The following RYR1 variants were observed in gnomAD, a reference collection of about 807,000 sequenced individuals.
RYR1 encodes central core disease of muscle.
RYR1 carries 342 observed loss-of-function variants against 583.5 expected under a neutral mutation model. The observed-to-expected ratio is 0.59, with a 90% CI of 0.54 to 0.64. RYR1 has a LOEUF of 0.64. RYR1 is among the 30% of genes least tolerant of loss of function. The pLI is 0.00. For missense variants in RYR1, 6,032 were observed against 6,917.2 expected, an observed-to-expected ratio of 0.87 and a Z score of 4.54; for synonymous variants, 2,791 against 2,822.5, an observed-to-expected ratio of 0.99 and a Z score of 0.35.
At chr19:38,520,225 A>T (rs1294414225) in intron 67 of RYR1, among the ~76,000 whole-genome samples, 1 of 151,374 alleles carries the variant, frequency 6.6e-6, no homozygotes, top group Non-Finnish European at 1.5e-5. Flanking sequence ...GACTCACACC[A>T]ACATGCTCGG....
rs946791306 is a variant in RYR1, at chr19:38,455,225, C to A, written c.1441-10C>A. On this transcript the variant is annotated splice_polypyrimidine_tract_variant and intron_variant, in intron 13 of 105. Coordinates refer to ENST00000359596, the MANE Select transcript of RYR1 (RefSeq NM_000540.3). Reference sequence around the variant, plus strand: ...TCCTATTGTGATGCCTCTTATTTTCCTCATCCTAGGGGATGCTCTCCATGG... The same window carrying A: ...TCCTATTGTGATGCCTCTTATTTTCATCATCCTAGGGGATGCTCTCCATGG... 6.2e-7 allele frequency: 1 copy of A among 1,613,990 alleles called. No homozygotes were observed. The highest frequency in any genetic ancestry group is 8.5e-7 in the Non-Finnish European group (1 of 1,179,930).
At chr19:38,580,320 G>T (rs779542258) in intron 100 of RYR1, 50 bp from the exon 101 acceptor site, 60 of 1,600,798 alleles carry the variant, frequency 3.7e-5, no homozygotes, top group Non-Finnish European at 5.0e-5. Context: ...GGCAGGGTGG[G>T]GGGAGGGCAA....
chr19:38,502,755 G>GCAGGGGCAGGGGCAGGGA lies in RYR1; in HGVS notation c.7835+45_7835+46insACAGGGGCAGGGGCAGGG, dbSNP rs1213822331. On this transcript the variant is annotated intron_variant, in intron 48 of 105. Transcript: ENST00000359596. Reference sequence around the variant, plus strand: ...GGAGCGGGGCAGGCTTCAGGGTGGGGCAGGGGCAGGGGCAGGGGCAGGGGC... The same window carrying GCAGGGGCAGGGGCAGGGA: ...GGAGCGGGGCAGGCTTCAGGGTGGGGCAGGGGCAGGGGCAGGGACAGGGGCAGGGGCAGGGGCAGGGGC... 5 of 398,316 alleles carry GCAGGGGCAGGGGCAGGGA rather than the reference G, an allele frequency of 1.3e-5. No homozygotes were observed. The African/African-American group carries it at 2.4e-4, about 19-fold the overall frequency. 24.7% of individuals were successfully genotyped at this position (398,316 alleles called of 1,614,324 possible).
rs573564965 is a variant in RYR1, at chr19:38,456,713, T to C, written c.1792-784T>C. On this transcript the variant is annotated intron_variant, in intron 16 of 105. Coordinates refer to ENST00000359596, the MANE Select transcript of RYR1 (RefSeq NM_000540.3). ...GCATTATTTCTAACCACTTCACACA[T>C]TTATTCAGTCGGAGCAAAAGTAATT... Among the ~76,000 whole-genome samples the C allele has an allele frequency of 3.5e-4, 53 of 151,856 alleles. 1 individual carries two copies. The highest frequency in any genetic ancestry group is 1.1e-3 in the African/African-American group (47 of 41,416).
intron 48 of RYR1, 66 bp downstream of exon 48, chr19:38,502,793 A>C: frequency 2.6e-6 from 1 of 391,522 alleles, no homozygotes; most frequent in Non-Finnish European, 4.0e-6. Context: ...GGGCAGGGGC[A>C]GGGGCAGGGG....
intron 31 of RYR1, among the ~76,000 whole-genome samples, chr19:38,482,011 G>A (rs981987656): frequency 2.6e-5 from 4 of 151,950 alleles, no homozygotes; most frequent in African/African-American, 4.8e-5. Context: ...TCGCTTGAAC[G>A]TGGGAGGTGG....
intron 78 of RYR1, among the ~76,000 whole-genome samples, chr19:38,533,956 T>C (rs1293646119): frequency 1.3e-5 from 2 of 151,682 alleles, no homozygotes; most frequent in African/African-American, 4.8e-5. Flanking sequence ...GCAACAATAA[T>C]GTGATATGGA....
intron 53 of RYR1, 40 bp from the exon 54 acceptor site, chr19:38,505,766 A>C (rs1970415536): frequency 6.2e-7 from 1 of 1,613,298 alleles, no homozygotes; most frequent in Admixed American, 1.7e-5. Flanking sequence ...CCCCTCTCTC[A>C]TCCCATTCCA....
At chr19:38,516,745 G>C (rs986061172) in intron 65 of RYR1, among the ~76,000 whole-genome samples, 1 of 152,178 alleles carries the variant, frequency 6.6e-6, no homozygotes, top group Non-Finnish European at 1.5e-5. Flanking sequence ...TATGTATCGA[G>C]CAGTTACTAT....
rs1260760691 is a variant in RYR1 at position 38,509,452 on chromosome 19, T to TA, written c.8933-1046_8933-1045insA. 2.0e-3 allele frequency among the ~76,000 whole-genome samples: 164 copies of TA among 83,308 alleles called. 1 individual carries two copies. Among genetic ancestry groups the TA allele is most frequent in the East Asian group, 0.016 (35 of 2,258 alleles). The allele number at this position is 83,308 out of a possible 152,430, so 54.7% of individuals were successfully genotyped here. On this transcript the variant is annotated intron_variant, in intron 58 of 105. Coordinates refer to ENST00000359596, the MANE Select transcript of RYR1 (RefSeq NM_000540.3). ...CCAGTATTATTATTATTATTATTAT[T>TA]TTTTTTTTTTTTTTTTTTGAGACGG...
At position 38,490,232 on chromosome 19, in the gene RYR1, A is replaced by G. The variant is rs1449496257; in HGVS notation, c.5971A>G (p.Thr1991Ala). The part of the protein sequence containing the change: ...IKAFSMTAAE[T>A]ARRTREFRSP... Reference sequence around the variant, plus strand: ...AGCCTTCAGCATGACCGCAGCAGAGACTGCAAGACGTACCCGCGAGTTCCG... The same window carrying G: ...AGCCTTCAGCATGACCGCAGCAGAGGCTGCAAGACGTACCCGCGAGTTCCG... The change falls in exon 36 of 106, where the codon ACT (threonine) becomes GCT (alanine). Residue 1991 changes from threonine (T) to alanine (A), a missense_variant. Physicochemically the swap from Thr to Ala is moderately conservative, Grantham distance 58. This residue lies in a region of RYR1 where 2,627 missense variants were observed against 2,961.3 expected (regional missense o/e 0.89). Transcript: ENST00000359596. The G allele has an allele frequency of 1.2e-6, 2 of 1,614,036 alleles. No homozygotes were observed. Among genetic ancestry groups the G allele is most frequent in the African/African-American group, 2.7e-5 (2 of 74,916 alleles).
chr19:38,514,855 G>A (rs1970885251), intron 63 of RYR1, among the ~76,000 whole-genome samples, 171 bp from the exon 64 acceptor site: 1 of 152,094 alleles, frequency 6.6e-6, no homozygotes, highest in Non-Finnish European at 1.5e-5. Flanking sequence ...GGAAGCTGAG[G>A]CTGAGAGAGA....
At chr19:38,434,913 TC>T (rs1464139649) in intron 1 of RYR1, among the ~76,000 whole-genome samples, 1 of 151,920 alleles carries the variant, frequency 6.6e-6, no homozygotes, top group Admixed American at 6.6e-5. Context: ...GCGAGCCGGG[TC>T]CGGTTTCCTG....
intron 50 of RYR1, 46 bp downstream of exon 50, chr19:38,504,406 G>A: frequency 6.2e-7 from 1 of 1,601,760 alleles, no homozygotes; most frequent in Non-Finnish European, 8.5e-7. Flanking sequence ...GGAGGGTTTG[G>A]GGCCCAAAAT....
In RYR1 at chr19:38,515,524, C is replaced by T. The variant is rs976412598; in HGVS notation, c.9554+417C>T. Among the ~76,000 whole-genome samples, 5 of 152,172 alleles carry T rather than the reference C, an allele frequency of 3.3e-5. No homozygotes were observed. In the East Asian group the frequency reaches 5.8e-4, roughly 18 times the overall value. On this transcript the variant is annotated intron_variant, in intron 64 of 105. Coordinates refer to ENST00000359596, the MANE Select transcript of RYR1 (RefSeq NM_000540.3). ...CAGATTTCAAGTGACACCAGCGGTGCGCGGTGGCTCACACCTGTGAGCACT... is the reference window on the plus strand; with the variant it reads ...CAGATTTCAAGTGACACCAGCGGTGTGCGGTGGCTCACACCTGTGAGCACT...
At chr19:38,450,703 T>A (rs1246634812) in intron 11 of RYR1, among the ~76,000 whole-genome samples, 1 of 152,090 alleles carries the variant, frequency 6.6e-6, no homozygotes, top group African/African-American at 2.4e-5. Context: ...ACCCTAAGCT[T>A]TTATTGTACA....
rs779962133 is a variant in RYR1 at position 38,467,731 on chromosome 19, C to T, written c.3300C>T (p.Arg1100=). 7 of 1,614,108 alleles carry T rather than the reference C, an allele frequency of 4.3e-6. No homozygotes were observed. The highest frequency in any genetic ancestry group is 2.7e-5 in the African/African-American group (2 of 74,944). The change falls in exon 25 of 106, where the codon CGC becomes CGT. Residue 1100 remains arginine (R), a synonymous_variant. Transcript: ENST00000359596. ...EFEAVTTGEM[R]VGWARPELRP... is the part of the protein sequence containing the mutation. ...AAGCAGTCACCACAGGCGAGATGCG[C>T]GTGGGCTGGGCGAGGCCCGAGCTGA...
At position 38,446,740 on chromosome 19, in the gene RYR1, C is replaced by T. The variant is rs775891904; in HGVS notation, c.772C>T (p.Leu258Phe). 9 of 1,613,858 alleles carry T rather than the reference C, an allele frequency of 5.6e-6. No individual in the cohort carries two copies. Among genetic ancestry groups the T allele is most frequent in the South Asian group, 1.1e-5 (1 of 91,072 alleles). Residue 258 changes from leucine to phenylalanine, a missense_variant, in exon 9 of 106, where the codon CTC becomes TTC. Physicochemically the swap from Leu to Phe is conservative, Grantham distance 22. This residue lies in a region of RYR1 where 338 missense variants were observed against 441.6 expected (regional missense o/e 0.77). Coordinates refer to ENST00000359596, the MANE Select transcript of RYR1 (RefSeq NM_000540.3). Reference sequence around the variant, plus strand: ...AGCTGTGTGCACTCATGCCCGCTCCCTCTGGAGGCTGGAGCCACTGAGAAT... The same window carrying T: ...AGCTGTGTGCACTCATGCCCGCTCCTTCTGGAGGCTGGAGCCACTGAGAAT... ...GGAVCTHARS[L>F]WRLEPLRISW... is the part of the protein sequence containing the mutation.
rs757616416 is a variant in RYR1, at chr19:38,496,965, C to CT, written c.6891+11_6891+12insT. 2 of 1,610,982 alleles carry CT rather than the reference C, an allele frequency of 1.2e-6. No individual in the cohort carries two copies. Among genetic ancestry groups the CT allele is most frequent in the East Asian group, 4.5e-5 (2 of 44,866 alleles). On this transcript the variant is annotated intron_variant, in intron 42 of 105. Coordinates refer to ENST00000359596, the MANE Select transcript of RYR1 (RefSeq NM_000540.3). The surrounding 1 kb of genome is among the most constrained non-coding windows in gnomAD (Gnocchi z 4.8). ...CAGGACCTGGAAAAGGTGTGGAGGGCAGGGCTGGGCCCCAGGCCTAAGGGA... is the reference window on the plus strand; with the variant it reads ...CAGGACCTGGAAAAGGTGTGGAGGGCTAGGGCTGGGCCCCAGGCCTAAGGGA...
Sources: gnomAD v4.1 joint callset for allele counts (sites outside exome capture counted in the v4.1 genomes callset) on GRCh38, gnomAD v4.1.1 for gene constraint, gnomAD v4.1.1 regional missense constraint, Gnocchi (gnomAD v3.1) non-coding constraint, MANE v1.5 for transcripts, NCBI Gene and HGNC (gene_info 2026-07-23, HGNC 2026-07-21) for gene names.